Variants in FMN2 observed in about 807,000 individuals in gnomAD.
FMN2 encodes the protein formin-2.
In FMN2, 51 loss-of-function variants were observed where a neutral mutation model predicts 142.3. The observed-to-expected ratio is 0.36, with a 90% CI of 0.29 to 0.45. The LOEUF is 0.45. Among genes scored for constraint, FMN2 ranks in the 20% least tolerant of loss-of-function variants. FMN2 has a pLI of 1.00. For synonymous variants in FMN2, 882 were observed against 869.8 expected (o/e 1.01, Z -0.25); for missense variants, 1,936 against 2,122.8 (o/e 0.91, Z 1.73).
At chr1:240,276,581 C>G (rs1457972074) in intron 7 of FMN2, among the ~76,000 whole-genome samples, 1 of 152,100 alleles carries the variant, frequency 6.6e-6, no homozygotes, top group African/African-American at 2.4e-5. Context: ...GGAAAATGCA[C>G]AATTCATATT....
intron 2 of FMN2, 57 bp from the exon 3 acceptor site, chr1:240,177,864 C>T (rs3765589): frequency 0.2 from 285,337 of 1,432,138 alleles, 29,631 homozygotes; most frequent in Middle Eastern, 0.3. Flanking sequence ...TTAGTCATGG[C>T]TTATTTTTTT....
At chr1:240,286,987 G>A (rs1669612623) in intron 7 of FMN2, among the ~76,000 whole-genome samples, 1 of 151,642 alleles carries the variant, frequency 6.6e-6, no homozygotes, top group Admixed American at 6.6e-5. Context: ...TTCTAGATGG[G>A]GGAGTGTGTA....
chr1:240,390,222 G>A (rs181140244), intron 14 of FMN2, among the ~76,000 whole-genome samples: 4 of 152,236 alleles, frequency 2.6e-5, no homozygotes, highest in Admixed American at 1.3e-4. Context: ...CCCAAATCCC[G>A]TTAGCTTCAA....
At chr1:240,227,221 TAAGATACTG>T (rs1448676274) in intron 6 of FMN2, among the ~76,000 whole-genome samples, 1 of 152,192 alleles carries the variant, frequency 6.6e-6, no homozygotes, top group Non-Finnish European at 1.5e-5. Flanking sequence ...TTAAAAAGAA[TAAGATACTG>T]AAGTATGGAT....
chr1:240,296,788 G>A (rs934504862), intron 8 of FMN2, among the ~76,000 whole-genome samples: 1 of 151,924 alleles, frequency 6.6e-6, no homozygotes, highest in Admixed American at 6.6e-5. Flanking sequence ...GTGTAGAATT[G>A]GTACCCATTA....
intron 15 of FMN2, among the ~76,000 whole-genome samples, chr1:240,437,746 G>T (rs546967821): frequency 6.6e-6 from 1 of 152,150 alleles, no homozygotes; most frequent in Non-Finnish European, 1.5e-5. Context: ...GTATAGGCCC[G>T]CCACTTTCAA....
At chr1:240,287,090 A>T (rs958985362) in intron 7 of FMN2, among the ~76,000 whole-genome samples, 2 of 152,216 alleles carry the variant, frequency 1.3e-5, no homozygotes, top group Non-Finnish European at 2.9e-5. Context: ...CCCAAAATGT[A>T]AAAGTTTCTA....
At chr1:240,438,334 G>A in intron 16 of FMN2, 124 bp downstream of exon 16, 2 of 1,028,182 alleles carry the variant, frequency 1.9e-6, no homozygotes, top group Non-Finnish European at 2.8e-6. Flanking sequence ...GGGGTAGCAA[G>A]TTGAAGAGGA....
intron 14 of FMN2, among the ~76,000 whole-genome samples, chr1:240,357,694 A>G (rs973945060): frequency 4.1e-5 from 6 of 144,634 alleles, no homozygotes; most frequent in African/African-American, 1.6e-4. Context: ...TGCAACCTCC[A>G]CCTCCCAGGT....
chr1:240,365,784 G>T (rs1223123634), intron 14 of FMN2, among the ~76,000 whole-genome samples: 2 of 152,038 alleles, frequency 1.3e-5, no homozygotes, highest in Non-Finnish European at 2.9e-5. Flanking sequence ...AATATACATT[G>T]TTCATTCATT....
intron 8 of FMN2, among the ~76,000 whole-genome samples, chr1:240,307,535 G>A (rs571239754): frequency 6.6e-6 from 1 of 152,306 alleles, no homozygotes; most frequent in Admixed American, 6.5e-5. Context: ...TGCTAACTTT[G>A]TCAAAGATGA....
chr1:240,284,076 C>A (rs1332901328), intron 7 of FMN2, among the ~76,000 whole-genome samples: 1 of 152,114 alleles, frequency 6.6e-6, no homozygotes, highest in Non-Finnish European at 1.5e-5. Context: ...ATGTGAAGAC[C>A]ACTTAAAAAT....
chr1:240,207,580 C>T lies in FMN2; in HGVS notation c.2768C>T (p.Pro923Leu), dbSNP rs149443295. ...PPLPGAGIPPPPPLPGAGILP... is the reference protein window; with the variant it reads ...PPLPGAGIPPLPPLPGAGILP... The stretch of plus-strand genomic sequence containing the variant: ...CTTCCCGGAGCGGGCATACCTCCTC[C>T]GCCGCCTCTACCCGGAGCAGGCATA... The change falls in exon 5 of 18, where the codon CCG becomes CTG. Residue 923 changes from proline to leucine, a missense_variant. By Grantham distance (98) the Pro-to-Leu change is moderately conservative. Transcript: ENST00000319653. The T allele has an allele frequency of 1.8e-4, 287 of 1,596,236 alleles. No homozygotes were observed. Among genetic ancestry groups the T allele is most frequent in the African/African-American group, 1.1e-3 (84 of 73,774 alleles).
At chr1:240,247,295 G>A (rs910234134) in intron 6 of FMN2, among the ~76,000 whole-genome samples, 1 of 152,118 alleles carries the variant, frequency 6.6e-6, no homozygotes, top group Non-Finnish European at 1.5e-5. Flanking sequence ...CTGAGGTTGG[G>A]AGTTTGAGAC....
chr1:240,188,136 T>G (rs1455470353), intron 3 of FMN2, 71 bp from the exon 4 acceptor site: 3 of 1,471,878 alleles, frequency 2.0e-6, no homozygotes, highest in Non-Finnish European at 2.8e-6. Context: ...AGTGAAAGTT[T>G]TATTTTCTGA....
At chr1:240,437,946 C>CCT (rs1675458255) in intron 15 of FMN2, 115 bp from the exon 16 acceptor site, 1 of 1,304,326 alleles carries the variant, frequency 7.7e-7, no homozygotes. Context: ...GAGCTTGAGT[C>CCT]CTCTTGGTAA....
At chr1:240,404,263 A>G (rs1381318310) in intron 15 of FMN2, among the ~76,000 whole-genome samples, 1 of 152,210 alleles carries the variant, frequency 6.6e-6, no homozygotes, top group Admixed American at 6.5e-5. Context: ...TGTTTATCCA[A>G]GGAATGGACT....
intron 6 of FMN2, among the ~76,000 whole-genome samples, chr1:240,225,401 A>G (rs1488808127): frequency 6.6e-6 from 1 of 152,226 alleles, no homozygotes; most frequent in Non-Finnish European, 1.5e-5. Flanking sequence ...TAAATGGCTC[A>G]TGCCCATTCA....
rs892432007 is a variant in FMN2, at chr1:240,091,938, G to A, written c.-172G>A. 1.1e-5 allele frequency: 13 copies of A among 1,132,956 alleles called. No homozygotes were observed. In the Admixed American group the frequency reaches 2.0e-4, roughly 18 times the overall value. 70.2% of individuals were successfully genotyped at this position (1,132,956 alleles called of 1,614,324 possible). On this transcript the variant is annotated 5_prime_UTR_variant, in exon 1 of 18. Coordinates refer to ENST00000319653, the MANE Select transcript of FMN2 (RefSeq NM_020066.5). ...GGAGCCGCCGCGCATTATGCAAAGC[G>A]GCGGCAGATGCGAGCGGGGCCAGCC... is the stretch of plus-strand genomic sequence containing the variant.
Sources: allele counts gnomAD v4.1 joint callset (sites outside exome capture counted in the v4.1 genomes callset), GRCh38; gene constraint gnomAD v4.1.1; transcripts MANE v1.5; gene names NCBI Gene and HGNC (gene_info 2026-07-23, HGNC 2026-07-21).